Variants in CLASP2 observed in about 807,000 individuals in gnomAD.
CLASP2 encodes the protein cytoplasmic linker associated protein 2.
In CLASP2, 47 loss-of-function variants were observed where a neutral mutation model predicts 194.4. That is an observed-to-expected ratio of 0.24 (90% CI 0.19 to 0.31). The LOEUF (loss-of-function observed/expected upper bound fraction) is 0.31. Among genes scored for constraint, CLASP2 ranks in the 10% least tolerant of loss-of-function variants. CLASP2 has a pLI of 1.00. For missense variants in CLASP2, 1,445 were observed against 1,823.6 expected (o/e 0.79, Z 3.78); for synonymous variants, 619 against 633.5 (o/e 0.98, Z 0.34).
chr3:33,535,180 A>G, intron 34 of CLASP2, 53 bp downstream of exon 34: 1 of 1,243,266 alleles, frequency 8.0e-7, no homozygotes, highest in Non-Finnish European at 1.2e-6. Context: ...CTTTTACTTC[A>G]TCAATTACCA....
intron 30 of CLASP2, among the ~76,000 whole-genome samples, chr3:33,546,972 C>A (rs2059244791): frequency 6.6e-6 from 1 of 152,096 alleles, no homozygotes; most frequent in Non-Finnish European, 1.5e-5. Context: ...AAGATTTATT[C>A]CTGTTTTAAG....
chr3:33,588,172 C>G (rs2067850585), intron 21 of CLASP2, among the ~76,000 whole-genome samples: 1 of 152,130 alleles, frequency 6.6e-6, no homozygotes, highest in Admixed American at 6.5e-5. Context: ...TGCAATACTC[C>G]TGATTCCCAC....
intron 6 of CLASP2, among the ~76,000 whole-genome samples, chr3:33,664,241 T>C (rs578167928): frequency 1.3e-5 from 2 of 152,332 alleles, no homozygotes; most frequent in South Asian, 4.1e-4. Context: ...ATATACAAAT[T>C]TTCTTCAGAG....
intron 38 of CLASP2, among the ~76,000 whole-genome samples, chr3:33,500,274 A>T (rs914589601): frequency 6.6e-6 from 1 of 152,026 alleles, no homozygotes; most frequent in Non-Finnish European, 1.5e-5. Flanking sequence ...AGGTCAAGTG[A>T]TCCTCCCACC....
At chr3:33,639,027 T>C (rs1333041662) in intron 8 of CLASP2, among the ~76,000 whole-genome samples, 1 of 152,224 alleles carries the variant, frequency 6.6e-6, no homozygotes, top group African/African-American at 2.4e-5. Context: ...ACTATATCTT[T>C]TTGTAAGTTT....
intron 6 of CLASP2, among the ~76,000 whole-genome samples, chr3:33,665,148 G>C (rs530728907): frequency 6.6e-6 from 1 of 152,004 alleles, no homozygotes; most frequent in South Asian, 2.1e-4. Flanking sequence ...TCGGAGAGCT[G>C]TTTGAGAAAA....
rs2093378380 is a variant in CLASP2 at position 33,718,095 on chromosome 3, C to A, written c.-93G>T. ...CAGTGCGGGTCCCCGCGGGAGCGGG[C>A]GGGACTCACTTAGCCCGCCAGGGGC... On this transcript the variant is annotated 5_prime_UTR_variant, in exon 1 of 39. Coordinates refer to ENST00000682230, the MANE Select transcript of CLASP2 (RefSeq NM_001365631.1). 5 of 1,332,828 alleles carry A rather than the reference C, an allele frequency of 3.8e-6. No homozygotes were observed. In the South Asian group the frequency reaches 7.9e-5, roughly 21 times the overall value. The allele number at this position is 1,332,828 out of a possible 1,614,324, so 82.6% of individuals were successfully genotyped here.
At chr3:33,679,996 G>C (rs2089516809) in intron 6 of CLASP2, among the ~76,000 whole-genome samples, 1 of 152,142 alleles carries the variant, frequency 6.6e-6, no homozygotes, top group African/African-American at 2.4e-5. Flanking sequence ...TCCCACAGTA[G>C]AATGGAAAAA....
At chr3:33,559,151 G>A (rs1216410151) in intron 29 of CLASP2, 156 bp downstream of exon 29, 1 of 699,082 alleles carries the variant, frequency 1.4e-6, no homozygotes, top group Admixed American at 2.0e-5. Flanking sequence ...GAGTGAAGCT[G>A]GTCCCGAAGT....
chr3:33,625,202 GA>G (rs1361969880), intron 10 of CLASP2, among the ~76,000 whole-genome samples: 2 of 124,900 alleles, frequency 1.6e-5, no homozygotes, highest in Non-Finnish European at 3.3e-5. Context: ...TGGGGTGGGG[GA>G]GGGGGGAGGG....
chr3:33,589,138 G>A (rs1385264690), intron 21 of CLASP2, among the ~76,000 whole-genome samples: 1 of 151,976 alleles, frequency 6.6e-6, no homozygotes, highest in African/African-American at 2.4e-5. Flanking sequence ...ACATGAAAAA[G>A]CTACAAATGT....
intron 2 of CLASP2, among the ~76,000 whole-genome samples, chr3:33,690,366 G>A (rs1210244820): frequency 6.6e-6 from 1 of 152,036 alleles, no homozygotes; most frequent in East Asian, 1.9e-4. Context: ...GACACCTTTT[G>A]TCTATTTCCT....
intron 22 of CLASP2, among the ~76,000 whole-genome samples, chr3:33,583,738 TA>T (rs1490419787): frequency 2.6e-5 from 4 of 152,192 alleles, no homozygotes; most frequent in Non-Finnish European, 4.4e-5. Flanking sequence ...AATATGAGAA[TA>T]TTTTTTAAAG....
chr3:33,583,618 A>G (rs1009131951), intron 22 of CLASP2, among the ~76,000 whole-genome samples: 4 of 152,240 alleles, frequency 2.6e-5, no homozygotes, highest in African/African-American at 9.6e-5. Flanking sequence ...AAACTTTAAT[A>G]ATGTAAAAAT....
At chr3:33,708,441 TTTGTGTGTGTGTCATGTG>T (rs1421879149) in intron 1 of CLASP2, among the ~76,000 whole-genome samples, 1 of 149,254 alleles carries the variant, frequency 6.7e-6, no homozygotes, top group Non-Finnish European at 1.5e-5. Flanking sequence ...ATAATATTCC[TTTGTGTGTGTGTCATGTG>T]TTGTGTGTGT....
chr3:33,541,945 A>G (rs144365052), intron 32 of CLASP2, among the ~76,000 whole-genome samples: 35 of 151,988 alleles, frequency 2.3e-4, no homozygotes, highest in East Asian at 1.5e-3. Context: ...ACTAATTTAC[A>G]CTCCCACCAA....
rs144768518 is a variant in CLASP2, at chr3:33,507,955, AAT to A, written c.4317+2601_4317+2602del. ...TATATCCATTGTTTCAATGAGGCCA[AAT>A]ATATATATATATATGTGTGTGTGTG... On this transcript the variant is annotated intron_variant, in intron 37 of 38. Transcript: ENST00000682230. Among the ~76,000 whole-genome samples, 782 of 147,186 alleles carry A rather than the reference AAT, an allele frequency of 5.3e-3. 3 individuals carry two copies. The highest frequency in any genetic ancestry group is 9.2e-3 in the Non-Finnish European group (612 of 66,632).
In CLASP2 at chr3:33,571,076, C is replaced by T. The variant is rs560818594; in HGVS notation, c.2700-286G>A. ...TCGCCCAGGCTGGAGTGCAGTGGCG[C>T]GATCTCGGCTCACTGCAGGCTCCGC... On this transcript the variant is annotated intron_variant, in intron 25 of 38. Coordinates refer to ENST00000682230, the MANE Select transcript of CLASP2 (RefSeq NM_001365631.1). Among the ~76,000 whole-genome samples, 178 of 147,766 alleles carry T rather than the reference C, an allele frequency of 1.2e-3. 3 individuals carry two copies. The highest frequency in any genetic ancestry group is 8.5e-4 in the Non-Finnish European group (57 of 67,330).
In CLASP2 at chr3:33,615,418, G is replaced by C. The variant is rs909988835; in HGVS notation, c.1318-3347C>G. 4.1e-5 allele frequency among the ~76,000 whole-genome samples: 6 copies of C among 146,066 alleles called. No individual in the cohort carries two copies. In the East Asian group the frequency reaches 1.2e-3, roughly 29 times the overall value. ...GAAAGAAAAGCAGCACAACGAACAG[G>C]AAACAAAATATAAGAAAAAAATACT... On this transcript the variant is annotated intron_variant, in intron 12 of 38. Transcript: ENST00000682230.
Sources: allele counts gnomAD v4.1 joint callset (sites outside exome capture counted in the v4.1 genomes callset), GRCh38; gene constraint gnomAD v4.1.1; transcripts MANE v1.5; gene names NCBI Gene and HGNC (gene_info 2026-07-23, HGNC 2026-07-21).